The following COL9A2 variants were observed in gnomAD, a reference collection of about 807,000 sequenced individuals.
The protein encoded by COL9A2 is collagen type IX alpha 2 chain.
In COL9A2, 66 loss-of-function variants were observed where a neutral mutation model predicts 111.6. That is an observed-to-expected ratio of 0.59 (90% CI 0.48 to 0.73). The LOEUF is 0.73. Ranked by LOEUF, COL9A2 falls within the 30% of genes least tolerant of loss-of-function variation. COL9A2 has a pLI of 0.00. For synonymous variants in COL9A2, 353 were observed against 364.1 expected (o/e 0.97, Z 0.35); for missense variants, 881 against 954.1 (o/e 0.92, Z 1.01).
intron 16 of COL9A2, 44 bp from the exon 17 acceptor site, chr1:40,308,289 C>T (rs1185453639): frequency 6.3e-7 from 1 of 1,592,034 alleles, no homozygotes; most frequent in South Asian, 1.1e-5. Context: ...GATGTTGGGC[C>T]CCTGTCTGGC....
intron 16 of COL9A2, 120 bp from the exon 17 acceptor site, chr1:40,308,365 A>G (rs1373514511): frequency 9.7e-7 from 1 of 1,030,264 alleles, no homozygotes; most frequent in Non-Finnish European, 1.5e-6. Context: ...GGCACAGGCC[A>G]CACCATGCAG....
rs752496710 is a variant in COL9A2 at position 40,309,960 on chromosome 1, C to T, written c.824G>A (p.Arg275Gln). ...GEEGPRGPPGRAGEKGDEGSP... is the reference protein window; with the variant it reads ...GEEGPRGPPGQAGEKGDEGSP... ...CACCTCGTCACCCTTCTCCCCAGCT[C>T]GGCCTGGCGGTCCCCTAGGACCTTC... Residue 275 changes from arginine (R) to glutamine (Q), a missense_variant, in exon 16 of 32, where the codon CGA becomes CAA. Physicochemically the swap from Arg to Gln is conservative, Grantham distance 43. Transcript: ENST00000372748. The T allele has an allele frequency of 4.1e-5, 66 of 1,613,904 alleles. No homozygotes were observed. In the South Asian group the frequency reaches 4.2e-4, roughly 10 times the overall value.
Position 40,310,363 on chromosome 1 carries a change from T to C in COL9A2, c.685-46A>G. The stretch of plus-strand genomic sequence containing the variant: ...CAGCAATGGCAATTGCAAGGCCCAC[T>C]TCATGATACCTTGTCTGATGCCCAC... On this transcript the variant is annotated intron_variant, in intron 13 of 31. Coordinates refer to ENST00000372748, the MANE Select transcript of COL9A2 (RefSeq NM_001852.4). The surrounding 1 kb of genome is among the most constrained non-coding windows in gnomAD (Gnocchi z 4.9). The C allele has an allele frequency of 6.3e-7, 1 of 1,586,650 alleles. No individual in the cohort carries two copies. The highest frequency in any genetic ancestry group is 8.7e-7 in the Non-Finnish European group (1 of 1,155,716).
At chr1:40,309,173 G>A (rs1005758434) in intron 16 of COL9A2, among the ~76,000 whole-genome samples, 3 of 151,964 alleles carry the variant, frequency 2.0e-5, no homozygotes, top group Non-Finnish European at 4.4e-5. Flanking sequence ...CCAGGGAGGC[G>A]GAGGTTGCAG....
At position 40,316,591 on chromosome 1, in the gene COL9A2, G is replaced by A. The variant is rs890750725; in HGVS notation, c.75+532C>T. ...CCAGGCCGCGAAGTGCCAGGCTGGC[G>A]CCCCGCAGGCGAGCTCGAAACCACA... On this transcript the variant is annotated intron_variant, in intron 1 of 31. Coordinates refer to ENST00000372748, the MANE Select transcript of COL9A2 (RefSeq NM_001852.4). This position sits in a 1 kb window ranked among gnomAD's most constrained non-coding sequence, Gnocchi z 5.5. 6.6e-6 allele frequency: 3 copies of A among 454,490 alleles called. No homozygotes were observed. The highest frequency in any genetic ancestry group is 2.0e-5 in the African/African-American group (1 of 49,420). 28.2% of individuals were successfully genotyped at this position (454,490 alleles called of 1,614,324 possible). A position where few individuals can be genotyped will look rare whatever the true frequency, so the allele number is the denominator to read the frequency against.
chr1:40,316,995 G>T lies in COL9A2; in HGVS notation c.75+128C>A. 1 of 912,218 alleles carries T rather than the reference G, an allele frequency of 1.1e-6. No homozygotes were observed. The highest frequency in any genetic ancestry group is 1.4e-5 in the South Asian group (1 of 70,984). 56.5% of individuals were successfully genotyped at this position (912,218 alleles called of 1,614,324 possible). A position where few individuals can be genotyped will look rare whatever the true frequency, so the allele number is the denominator to read the frequency against. ...GCACCCACCGAGGGGACCTGCCCGC[G>T]GCGCTGTCCTCAGGTGGCCTCTCGG... On this transcript the variant is annotated intron_variant, in intron 1 of 31. Coordinates refer to ENST00000372748, the MANE Select transcript of COL9A2 (RefSeq NM_001852.4). This position sits in a 1 kb window ranked among gnomAD's most constrained non-coding sequence, Gnocchi z 5.5.
Position 40,314,416 on chromosome 1 carries a change from C to T in COL9A2, c.151-29G>A. On this transcript the variant is annotated intron_variant, in intron 2 of 31. Coordinates refer to ENST00000372748, the MANE Select transcript of COL9A2 (RefSeq NM_001852.4). This position sits in a 1 kb window ranked among gnomAD's most constrained non-coding sequence, Gnocchi z 4.1. ...CAAGATACAAGTTGGTGAGACAGCA[C>T]ACTACGGCTCACACTACCCCAAGTG... 1 of 1,614,114 alleles carries T rather than the reference C, an allele frequency of 6.2e-7. No homozygotes were observed. The highest frequency in any genetic ancestry group is 1.6e-4 in the Middle Eastern group (1 of 6,062).
rs745839653 is a variant in COL9A2 at position 40,304,371 on chromosome 1, G to T, written c.1236C>A (p.Gly412=). The T allele has an allele frequency of 3.1e-6, 5 of 1,588,792 alleles. No individual in the cohort carries two copies. The Middle Eastern group carries it at 6.6e-4, about 211-fold the overall frequency. The change falls in exon 24 of 32, where the codon GGC becomes GGA. Residue 412 remains glycine (G), a synonymous_variant. Transcript: ENST00000372748. ...CTTGGGGCCCTGGAATTCCGGGGGG[G>T]CCCTGCTCCCCCTTAGGGCCCTGAG... The part of the protein sequence containing the change: ...QGRQGPKGEQ[G]PPGIPGPQGL...
At position 40,315,504 on chromosome 1, in the gene COL9A2, GA is replaced by G. The variant is rs771916971; in HGVS notation, c.150+85del. The G allele has an allele frequency of 1.7e-5, 14 of 847,468 alleles. No individual in the cohort carries two copies. In the Middle Eastern group the frequency reaches 1.1e-3, roughly 64 times the overall value. The allele number at this position is 847,468 out of a possible 1,614,324, so 52.5% of individuals were successfully genotyped here. ...GGGGCACTACATCTCCGGGCACCCCGAAGTCCCCACCCCCACCACAGCGCTC... is the reference window on the plus strand; with the variant it reads ...GGGGCACTACATCTCCGGGCACCCCGAGTCCCCACCCCCACCACAGCGCTC... On this transcript the variant is annotated intron_variant, in intron 2 of 31. Transcript: ENST00000372748.
Position 40,310,568 on chromosome 1 carries a change from T to G in COL9A2, c.684+146A>C. On this transcript the variant is annotated intron_variant, in intron 13 of 31. Coordinates refer to ENST00000372748, the MANE Select transcript of COL9A2 (RefSeq NM_001852.4). This position sits in a 1 kb window ranked among gnomAD's most constrained non-coding sequence, Gnocchi z 4.9. ...GTTCCTGTCCCTCATTCCTGACAAT[T>G]TCAGCCTCCATCTCCCCATCCAGAG... 1.1e-6 allele frequency: 1 copy of G among 891,106 alleles called. No homozygotes were observed. The highest frequency in any genetic ancestry group is 1.4e-5 in the South Asian group (1 of 70,200). The allele number at this position is 891,106 out of a possible 1,614,324, so 55.2% of individuals were successfully genotyped here. A position where few individuals can be genotyped will look rare whatever the true frequency, so the allele number is the denominator to read the frequency against.
Position 40,312,446 on chromosome 1 carries a change from G to A in COL9A2, c.363+10C>T, listed in dbSNP as rs1644145491. The A allele has an allele frequency of 1.9e-6, 3 of 1,613,276 alleles. No individual in the cohort carries two copies. The highest frequency in any genetic ancestry group is 2.5e-6 in the Non-Finnish European group (3 of 1,179,646). ...GTTCTGGGGATCCTGCCCCATCCCTGAGGACTTACAGGAGGTCCAGCAAAA... is the reference window on the plus strand; with the variant it reads ...GTTCTGGGGATCCTGCCCCATCCCTAAGGACTTACAGGAGGTCCAGCAAAA... On this transcript the variant is annotated intron_variant, in intron 7 of 31. Coordinates refer to ENST00000372748, the MANE Select transcript of COL9A2 (RefSeq NM_001852.4). This position sits in a 1 kb window ranked among gnomAD's most constrained non-coding sequence, Gnocchi z 6.0.
At position 40,312,617 on chromosome 1, in the gene COL9A2, A is replaced by T. The variant is rs753663580; in HGVS notation, c.304-8T>A. 34 of 1,613,808 alleles carry T rather than the reference A, an allele frequency of 2.1e-5. No homozygotes were observed. The highest frequency in any genetic ancestry group is 2.9e-5 in the Non-Finnish European group (34 of 1,179,940). ...AGGAAGCCCGGGCTGGCCCTGCAGA[A>T]GCAACGAGAAAGGCTCAGAGGCTGG... On this transcript the variant is annotated splice_region_variant and splice_polypyrimidine_tract_variant and intron_variant, in intron 5 of 31. Transcript: ENST00000372748. The surrounding 1 kb of genome is among the most constrained non-coding windows in gnomAD (Gnocchi z 6.0).
intron 25 of COL9A2, 44 bp from the exon 26 acceptor site, chr1:40,304,016 C>G: frequency 1.3e-6 from 2 of 1,571,542 alleles, no homozygotes; most frequent in Non-Finnish European, 1.7e-6. Context: ...GCGGCGGGGA[C>G]GCAGAGCAGG....
At position 40,302,255 on chromosome 1, in the gene COL9A2, A is replaced by T. The variant is rs1346962228; in HGVS notation, c.1792+366T>A. On this transcript the variant is annotated intron_variant, in intron 30 of 31. Transcript: ENST00000372748. This position sits in a 1 kb window ranked among gnomAD's most constrained non-coding sequence, Gnocchi z 4.5. ...AGTAAACCTAAGGCCCAGGGAAATT[A>T]GCAGGTAACTCGTCTGAGAGCCACG... 6.6e-6 allele frequency among the ~76,000 whole-genome samples: 1 copy of T among 152,126 alleles called. No individual in the cohort carries two copies. Among genetic ancestry groups the T allele is most frequent in the Non-Finnish European group, 1.5e-5 (1 of 68,022 alleles).
rs1156904121 is a variant in COL9A2 at position 40,303,596 on chromosome 1, G to A, written c.1482C>T (p.Pro494=). The change falls in exon 28 of 32, where the codon CCC becomes CCT. Residue 494 remains proline (P), a synonymous_variant. Transcript: ENST00000372748. This position sits in a 1 kb window ranked among gnomAD's most constrained non-coding sequence, Gnocchi z 4.6. ...TCCCGGCCAGTCCTCGAGGGCCGGG[G>A]GGACCAGGGTAGCCCTGAACCCCTG... ...GAPGVQGYPG[P]PGPRGLAGNR... is the part of the protein sequence containing the mutation. 6.2e-7 allele frequency: 1 copy of A among 1,607,916 alleles called. No individual in the cohort carries two copies. Among genetic ancestry groups the A allele is most frequent in the South Asian group, 1.1e-5 (1 of 90,230 alleles).
At position 40,307,037 on chromosome 1, in the gene COL9A2, G is replaced by T. The variant is rs1490670966; in HGVS notation, c.1008+409C>A. ...TTTTTGTATTTTTAGTAGAGACGGGGTGTCACCACATTGGCCAGGCTGGTT... is the reference window on the plus strand; with the variant it reads ...TTTTTGTATTTTTAGTAGAGACGGGTTGTCACCACATTGGCCAGGCTGGTT... On this transcript the variant is annotated intron_variant, in intron 19 of 31. Transcript: ENST00000372748. The surrounding 1 kb of genome is among the most constrained non-coding windows in gnomAD (Gnocchi z 4.8). Among the ~76,000 whole-genome samples, 2 of 152,010 alleles carry T rather than the reference G, an allele frequency of 1.3e-5. No individual in the cohort carries two copies. Among genetic ancestry groups the T allele is most frequent in the Non-Finnish European group, 2.9e-5 (2 of 67,980 alleles).
intron 22 of COL9A2, 118 bp downstream of exon 22, chr1:40,304,676 G>A (rs1293495746): frequency 1.4e-6 from 2 of 1,388,712 alleles, no homozygotes; most frequent in African/African-American, 1.4e-5. Flanking sequence ...GACCAGCAAA[G>A]CAAACCTAGG....
In COL9A2 at chr1:40,307,487, G is replaced by T; in HGVS notation, c.967C>A (p.Gln323Lys). 1 of 1,614,186 alleles carries T rather than the reference G, an allele frequency of 6.2e-7. No individual in the cohort carries two copies. The highest frequency in any genetic ancestry group is 1.1e-5 in the South Asian group (1 of 91,084). The change falls in exon 19 of 32, where the codon CAG becomes AAG. Residue 323 changes from glutamine to lysine, a missense_variant. Gln to Lys is a moderately conservative substitution (Grantham distance 53, BLOSUM62 1). Transcript: ENST00000372748. This position sits in a 1 kb window ranked among gnomAD's most constrained non-coding sequence, Gnocchi z 4.8. ...GTPGMKGSAG[Q>K]AGQPGSPGHQ... ...CCTGGACTTCCGGGCTGTCCCGCCTGTCCTGCACTGCCCTGGGATAGACAG... is the reference window on the plus strand; with the variant it reads ...CCTGGACTTCCGGGCTGTCCCGCCTTTCCTGCACTGCCCTGGGATAGACAG...
At chr1:40,308,596 C>A (rs976726830) in intron 16 of COL9A2, among the ~76,000 whole-genome samples, 3 of 152,146 alleles carry the variant, frequency 2.0e-5, no homozygotes, top group African/African-American at 7.2e-5. Flanking sequence ...TGAACAAGAA[C>A]CAGGAAAAGA....
Sources: allele counts gnomAD v4.1 joint callset (sites outside exome capture counted in the v4.1 genomes callset), GRCh38; gene constraint gnomAD v4.1.1; non-coding constraint Gnocchi (gnomAD v3.1); transcripts MANE v1.5; gene names NCBI Gene and HGNC (gene_info 2026-07-23, HGNC 2026-07-21).